The following WDR3 variants were observed in gnomAD, a reference collection of about 807,000 sequenced individuals.
WDR3 encodes WD repeat domain 3, also known as WD repeat-containing protein 3.
Under a neutral mutation model 123.7 loss-of-function variants are expected in WDR3, and 81 were observed. The ratio of observed to expected loss-of-function variants is 0.65; its 90% CI spans 0.55 to 0.79. The LOEUF (loss-of-function observed/expected upper bound fraction) is 0.79. Ranked by LOEUF, WDR3 falls within the 30% of genes least tolerant of loss-of-function variation. WDR3 has a pLI of 0.00. For missense variants in WDR3, 1,027 were observed against 1,123.2 expected (o/e 0.91, Z 1.22); for synonymous variants, 390 against 388.8 (o/e 1.00, Z -0.04).
rs751534178 is a variant in WDR3 at position 117,942,488 on chromosome 1, G to T, written c.1041G>T (p.Met347Ile). 5 of 1,614,022 alleles carry T rather than the reference G, an allele frequency of 3.1e-6. No homozygotes were observed. Among genetic ancestry groups the T allele is most frequent in the Non-Finnish European group, 4.2e-6 (5 of 1,179,940 alleles). The change falls in exon 10 of 27, where the codon ATG becomes ATT. Residue 347 changes from methionine to isoleucine, a missense_variant. Physicochemically the swap from Met to Ile is conservative, Grantham distance 10 (BLOSUM62 1). Transcript: ENST00000349139. ...EEEDPEVNVEMSLQDEIQRVT... is the reference protein window; with the variant it reads ...EEEDPEVNVEISLQDEIQRVT... ...AAGATCCTGAGGTTAATGTTGAAAT[G>T]AGTCTGCAAGATGAAATCCAGCGGG...
intron 3 of WDR3, among the ~76,000 whole-genome samples, chr1:117,934,947 C>T (rs1458744533): frequency 1.3e-5 from 2 of 152,002 alleles, no homozygotes; most frequent in Non-Finnish European, 2.9e-5. Context: ...GGAAGTGCTA[C>T]GCAAAACAGT....
At position 117,952,665 on chromosome 1, in the gene WDR3, A is replaced by T. The variant is rs761098211; in HGVS notation, c.2151+3A>T. On this transcript the variant is annotated splice_donor_region_variant and intron_variant, in intron 19 of 26. Transcript: ENST00000349139. ...TTCTTGAGGAAGAAAGGGAGATGGT[A>T]AGAACTTTAGGCTTGGTTACAAATA... 1 of 1,611,424 alleles carries T rather than the reference A, an allele frequency of 6.2e-7. No homozygotes were observed. Among genetic ancestry groups the T allele is most frequent in the African/African-American group, 1.3e-5 (1 of 74,730 alleles).
At chr1:117,941,293 A>G in intron 8 of WDR3, 68 bp downstream of exon 8, 1 of 1,481,954 alleles carries the variant, frequency 6.7e-7, no homozygotes, top group Admixed American at 1.8e-5. Flanking sequence ...ATTCTTTCAT[A>G]TTCAATGTAA....
intron 2 of WDR3, 198 bp downstream of exon 2, chr1:117,933,688 A>G: frequency 1.5e-6 from 1 of 669,516 alleles, no homozygotes; most frequent in Non-Finnish European, 2.7e-6. Flanking sequence ...TCTGAAAACC[A>G]CAATGAAATA....
At chr1:117,958,370 G>C (rs1652526623) in intron 25 of WDR3, among the ~76,000 whole-genome samples, 1 of 152,014 alleles carries the variant, frequency 6.6e-6, no homozygotes, top group Admixed American at 6.6e-5. Context: ...TATGGTATAC[G>C]TGCTATTGAA....
rs1313422744 is a variant in WDR3, at chr1:117,963,798, C to T, written c.*4351C>T. The T allele has an allele frequency of 1.9e-6, 3 of 1,610,606 alleles. No individual in the cohort carries two copies. Among genetic ancestry groups the T allele is most frequent in the African/African-American group, 1.3e-5 (1 of 74,760 alleles). The stretch of plus-strand genomic sequence containing the variant: ...AAATTCCCATTTATTACTTACTGTA[C>T]CTAATGTGGAGAAACTTTACGAGAC... On this transcript the variant is annotated 3_prime_UTR_variant, in exon 27 of 27. Coordinates refer to ENST00000349139, the MANE Select transcript of WDR3 (RefSeq NM_006784.3).
chr1:117,950,015 G>A lies in WDR3; in HGVS notation c.1631G>A (p.Arg544Gln), dbSNP rs145257054. ...GCTAGACTTTCTGTGAAGCAAACCCGAACTTTGCAACTAGATGAAGATGTT... is the reference window on the plus strand; with the variant it reads ...GCTAGACTTTCTGTGAAGCAAACCCAAACTTTGCAACTAGATGAAGATGTT... Reference protein sequence around the residue: ...TQKRLSVKQTRTLQLDEDVLC... With the variant: ...TQKRLSVKQTQTLQLDEDVLC... The change falls in exon 15 of 27, where the codon CGA (arginine) becomes CAA (glutamine). Residue 544 changes from arginine (R) to glutamine (Q), a missense_variant. Physicochemically the swap from Arg to Gln is conservative, Grantham distance 43 (BLOSUM62 1). Coordinates refer to ENST00000349139, the MANE Select transcript of WDR3 (RefSeq NM_006784.3). 46 of 1,613,638 alleles carry A rather than the reference G, an allele frequency of 2.9e-5. No homozygotes were observed. Among genetic ancestry groups the A allele is most frequent in the Non-Finnish European group, 3.6e-5 (43 of 1,179,908 alleles).
Position 117,952,983 on chromosome 1 carries a change from A to C in WDR3, c.2189A>C (p.Glu730Ala), listed in dbSNP as rs771363699. The C allele has an allele frequency of 6.2e-7, 1 of 1,613,132 alleles. No homozygotes were observed. Among genetic ancestry groups the C allele is most frequent in the Non-Finnish European group, 8.5e-7 (1 of 1,179,334 alleles). Residue 730 changes from glutamate to alanine, a missense_variant, in exon 20 of 27, where the codon GAA becomes GCA. Transcript: ENST00000349139. ...EAEYEESVAK[E>A]DQPAVPGETQ... ...GAATATGAGGAGAGTGTGGCCAAAG[A>C]AGACCAACCAGCAGTAAGTAAATTT... is the stretch of plus-strand genomic sequence containing the variant.
chr1:117,930,437 G>T (rs1159261351), intron 1 of WDR3, among the ~76,000 whole-genome samples: 1 of 152,218 alleles, frequency 6.6e-6, no homozygotes, highest in Non-Finnish European at 1.5e-5. Flanking sequence ...AGAATACAAG[G>T]TCGCGGGACG....
chr1:117,933,847 A>G, intron 2 of WDR3: 2 of 277,978 alleles, frequency 7.2e-6, no homozygotes, highest in East Asian at 9.2e-5. Context: ...TTAGGCATGT[A>G]AAAGGAAGGT....
At chr1:117,945,087 C>A (rs771297197) in intron 11 of WDR3, among the ~76,000 whole-genome samples, 6 of 152,166 alleles carry the variant, frequency 3.9e-5, no homozygotes, top group Non-Finnish European at 7.3e-5. Context: ...CCTCATCTTA[C>A]CACCTGCACT....
At chr1:117,939,431 G>C in intron 5 of WDR3, 46 bp from the exon 6 acceptor site, 1 of 1,561,864 alleles carries the variant, frequency 6.4e-7, no homozygotes, top group Non-Finnish European at 8.8e-7. Context: ...ATGCTACCTG[G>C]AATCTCTTGA....
At chr1:117,956,970 A>T in intron 24 of WDR3, 98 bp from the exon 25 acceptor site, 1 of 1,091,192 alleles carries the variant, frequency 9.2e-7, no homozygotes, top group Non-Finnish European at 1.3e-6. Flanking sequence ...CCAAGTATAA[A>T]ATCAGTAGAA....
intron 3 of WDR3, among the ~76,000 whole-genome samples, chr1:117,935,402 A>G (rs1458408709): frequency 6.6e-6 from 1 of 152,094 alleles, no homozygotes; most frequent in Non-Finnish European, 1.5e-5. Flanking sequence ...TTTAGATATT[A>G]AAATGTCATA....
At chr1:117,956,175 A>T (rs907335646) in intron 24 of WDR3, among the ~76,000 whole-genome samples, 1 of 152,068 alleles carries the variant, frequency 6.6e-6, no homozygotes. Flanking sequence ...GTATTATTTT[A>T]CTGGTTTTTA....
In WDR3 at chr1:117,943,754, A is replaced by G. The variant is rs912769773; in HGVS notation, c.1328+128A>G. 4.8e-6 allele frequency: 4 copies of G among 829,594 alleles called. No homozygotes were observed. In the Admixed American group the frequency reaches 1.2e-4, roughly 25 times the overall value. The allele number at this position is 829,594 out of a possible 1,614,324, so 51.4% of individuals were successfully genotyped here. ...CAATTATCTTTAGTGCATTTGGGCC[A>G]TTAGCCTGTGGAGCTTAGAGAAGAA... On this transcript the variant is annotated intron_variant, in intron 11 of 26. Transcript: ENST00000349139.
intron 16 of WDR3, among the ~76,000 whole-genome samples, chr1:117,951,531 G>A (rs1425645704): frequency 3.7e-5 from 5 of 135,200 alleles, no homozygotes; most frequent in Non-Finnish European, 7.8e-5. Context: ...TTTTTATGTT[G>A]ACAACCATTT....
chr1:117,929,897 G>C (rs1357883626), intron 1 of WDR3, 115 bp downstream of exon 1: 2 of 152,340 alleles, frequency 1.3e-5, no homozygotes, highest in African/African-American at 4.8e-5. Flanking sequence ...CGTGTTAAAG[G>C]CCGGTTGCTA....
chr1:117,933,741 G>T (rs1650818767), intron 2 of WDR3: 3 of 492,848 alleles, frequency 6.1e-6, no homozygotes. Context: ...ATATTTACAG[G>T]TCATTATTTG....
Sources: gnomAD v4.1 joint callset for allele counts (sites outside exome capture counted in the v4.1 genomes callset) on GRCh38, gnomAD v4.1.1 for gene constraint, MANE v1.5 for transcripts, NCBI Gene and HGNC (gene_info 2026-07-23, HGNC 2026-07-21) for gene names.